ADGRL2: variants seen among roughly 807,000 people sequenced by gnomAD.
The protein encoded by ADGRL2 is adhesion G protein-coupled receptor L2.
A neutral mutation model predicts 157.4 loss-of-function variants in ADGRL2; 44 were observed. That is an observed-to-expected ratio of 0.28 (90% CI 0.22 to 0.36). The LOEUF (loss-of-function observed/expected upper bound fraction) is 0.36, where lower values mean the gene tolerates loss of function less well. ADGRL2 is among the 10% of genes least tolerant of loss of function. The probability of loss-of-function intolerance (pLI) is 1.00; values close to 1 mark genes in which losing one functional copy is unlikely to be tolerated. For synonymous variants in ADGRL2, 585 were observed against 624.7 expected (o/e 0.94, Z 0.95); for missense variants, 1,510 against 1,768.9 (o/e 0.85, Z 2.63).
chr1:81,390,467 C>T (rs1174064480), intron 1 of ADGRL2, among the ~76,000 whole-genome samples: 1 of 152,304 alleles, frequency 6.6e-6, no homozygotes, highest in East Asian at 1.9e-4. Context: ...AGATGTAATA[C>T]ATGTATAGAT....
At chr1:81,807,591 T>C (rs1174135684) in intron 1 of ADGRL2, among the ~76,000 whole-genome samples, 1 of 151,980 alleles carries the variant, frequency 6.6e-6, no homozygotes. Flanking sequence ...AACACAGAGA[T>C]GAACAGTTAA....
intron 2 of ADGRL2, among the ~76,000 whole-genome samples, chr1:81,767,669 C>T (rs910181306): frequency 2.0e-5 from 3 of 151,706 alleles, no homozygotes; most frequent in East Asian, 2.0e-4. Context: ...TCCAGGAGTT[C>T]GAGATCAGCC....
intron 1 of ADGRL2, among the ~76,000 whole-genome samples, chr1:81,435,626 T>C (rs1557686896): frequency 1.3e-5 from 2 of 152,390 alleles, no homozygotes; most frequent in African/African-American, 2.4e-5. Flanking sequence ...TAATTCAAGA[T>C]GGTTAATTTG....
At chr1:81,556,312 ATTTTTTT>A (rs145670261) in intron 2 of ADGRL2, among the ~76,000 whole-genome samples, 3 of 87,122 alleles carry the variant, frequency 3.4e-5, no homozygotes, top group South Asian at 9.0e-4. Flanking sequence ...GGCTGTCACA[ATTTTTTT>A]TTTTTTTTTT....
chr1:81,361,755 T>C (rs2075981983), intron 1 of ADGRL2, among the ~76,000 whole-genome samples: 2 of 152,110 alleles, frequency 1.3e-5, no homozygotes, highest in South Asian at 4.2e-4. Flanking sequence ...CTGAATATTT[T>C]ATGCAAGAAA....
intron 3 of ADGRL2, among the ~76,000 whole-genome samples, chr1:81,602,014 T>G (rs2081341673): frequency 6.6e-6 from 1 of 152,040 alleles, no homozygotes; most frequent in Non-Finnish European, 1.5e-5. Context: ...CAGGCACCAT[T>G]CCGAATTTTA....
chr1:81,955,629 A>G (rs1653265656), intron 10 of ADGRL2: 2 of 323,102 alleles, frequency 6.2e-6, no homozygotes, highest in Middle Eastern at 1.6e-3. Flanking sequence ...AAATAGAAAC[A>G]ATCCACCTTC....
intron 1 of ADGRL2, among the ~76,000 whole-genome samples, chr1:81,729,621 T>G (rs1183177293): frequency 6.6e-6 from 1 of 152,206 alleles, no homozygotes; most frequent in Non-Finnish European, 1.5e-5. Context: ...ATTTTCCCCC[T>G]TCAATTCCAT....
chr1:81,352,841 G>A (rs1040068295), intron 1 of ADGRL2, among the ~76,000 whole-genome samples: 2 of 152,142 alleles, frequency 1.3e-5, no homozygotes, highest in African/African-American at 4.8e-5. Context: ...AGTTTGAGTA[G>A]TAGAGTCAGT....
chr1:81,721,919 T>C, intron 1 of ADGRL2: 1 of 691,818 alleles, frequency 1.4e-6, no homozygotes, highest in Non-Finnish European at 2.7e-6. Context: ...AACCATCAAG[T>C]GAGGAAAGTG....
At chr1:81,584,796 A>C (rs1557483160) in intron 3 of ADGRL2, among the ~76,000 whole-genome samples, 1 of 152,168 alleles carries the variant, frequency 6.6e-6, no homozygotes, top group African/African-American at 2.4e-5. Context: ...AAAGAGCAAC[A>C]GTGATAACTT....
chr1:81,427,139 T>G (rs79545001), intron 1 of ADGRL2: 126,049 of 1,301,316 alleles, frequency 0.097, 6,995 homozygotes, highest in African/African-American at 0.13. Flanking sequence ...TGGAGGTGGA[T>G]CCGGCAATTT....
At chr1:81,690,614 T>C (rs1231050893) in intron 3 of ADGRL2, among the ~76,000 whole-genome samples, 9 of 152,266 alleles carry the variant, frequency 5.9e-5, no homozygotes, top group Admixed American at 5.9e-4. Flanking sequence ...AGAGTTGTTT[T>C]GGCTATCTAA....
At chr1:81,846,911 A>T (rs1247202308) in intron 2 of ADGRL2, among the ~76,000 whole-genome samples, 1 of 151,898 alleles carries the variant, frequency 6.6e-6, no homozygotes, top group African/African-American at 2.4e-5. Flanking sequence ...GGCTTTTTAA[A>T]AAGTTGGTAA....
intron 17 of ADGRL2, among the ~76,000 whole-genome samples, chr1:81,976,036 C>T (rs956714837): frequency 3.3e-5 from 5 of 151,816 alleles, no homozygotes; most frequent in East Asian, 1.9e-4. Flanking sequence ...AACTGTAAAA[C>T]CACATTTTTA....
intron 1 of ADGRL2, among the ~76,000 whole-genome samples, chr1:81,310,659 A>T (rs1659685379): frequency 1.3e-5 from 2 of 152,186 alleles, no homozygotes; most frequent in South Asian, 4.1e-4. Flanking sequence ...CTATCTTTAA[A>T]GTTATTTTAA....
At chr1:81,341,157 T>C (rs1662043144) in intron 1 of ADGRL2, among the ~76,000 whole-genome samples, 1 of 152,174 alleles carries the variant, frequency 6.6e-6, no homozygotes, top group Non-Finnish European at 1.5e-5. Flanking sequence ...TTCAAAATTA[T>C]ACAGCCTGGC....
At chr1:81,461,644 T>G (rs1175677153) in intron 2 of ADGRL2, among the ~76,000 whole-genome samples, 1 of 152,214 alleles carries the variant, frequency 6.6e-6, no homozygotes, top group Non-Finnish European at 1.5e-5. Context: ...CTCTTTGTAC[T>G]TTAATATCTA....
At chr1:81,596,629 A>C (rs539041081) in intron 3 of ADGRL2, 1 of 153,390 alleles carries the variant, frequency 6.5e-6, no homozygotes, top group East Asian at 1.9e-4. Context: ...CCAAAGAGGG[A>C]AACTAGGATC....
Sources: gnomAD v4.1 joint callset for allele counts (sites outside exome capture counted in the v4.1 genomes callset) on GRCh38, gnomAD v4.1.1 for gene constraint, MANE v1.5 for transcripts, NCBI Gene and HGNC (gene_info 2026-07-23, HGNC 2026-07-21) for gene names.